USP13: variants seen among roughly 807,000 people sequenced by gnomAD.
USP13 encodes the protein ubiquitin carboxyl-terminal hydrolase 13.
A neutral mutation model predicts 107.8 loss-of-function variants in USP13; 68 were observed. That is an observed-to-expected ratio of 0.63 (90% CI 0.52 to 0.77). The LOEUF is 0.77. Among genes scored for constraint, USP13 ranks in the 30% least tolerant of loss-of-function variants. USP13 has a pLI of 0.00. For synonymous variants in USP13, 377 were observed against 389.5 expected, an observed-to-expected ratio of 0.97 and a Z score of 0.38; for missense variants, 945 against 1,093.3, an observed-to-expected ratio of 0.86 and a Z score of 1.91.
At chr3:179,750,877 A>G (rs185631169) in intron 13 of USP13, among the ~76,000 whole-genome samples, 13 of 152,282 alleles carry the variant, frequency 8.5e-5, no homozygotes, top group Admixed American at 1.3e-4. Context: ...CAAGACCCAC[A>G]TCCACATCGT....
chr3:179,766,910 A>C (rs1715194382), intron 19 of USP13, among the ~76,000 whole-genome samples: 1 of 152,150 alleles, frequency 6.6e-6, no homozygotes, highest in Admixed American at 6.5e-5. Context: ...GATCCAGGCC[A>C]CCTGGTCTCC....
chr3:179,728,853 G>C (rs1179303668), intron 8 of USP13, among the ~76,000 whole-genome samples: 1 of 152,008 alleles, frequency 6.6e-6, no homozygotes, highest in Non-Finnish European at 1.5e-5. Flanking sequence ...GTGGCGGCGC[G>C]CGCCTACAAT....
At chr3:179,735,082 A>G (rs1041299845) in intron 10 of USP13, among the ~76,000 whole-genome samples, 36 of 152,220 alleles carry the variant, frequency 2.4e-4, no homozygotes, top group African/African-American at 8.0e-4. Flanking sequence ...TAAGTACAGT[A>G]TCTTATTAAT....
At chr3:179,687,791 A>G (rs181239648) in intron 2 of USP13, among the ~76,000 whole-genome samples, 15 of 151,766 alleles carry the variant, frequency 9.9e-5, no homozygotes, top group African/African-American at 3.1e-4. Context: ...CCAAATGCAC[A>G]TATCTATGGC....
At position 179,706,852 on chromosome 3, in the gene USP13, AT is replaced by A. The variant is rs764388207; in HGVS notation, c.478-80del. ...GCGTTTCTTCAGTTTTTAAATTCAT[AT>A]TCTAGTGAATTTGCTATTCACTAGC... On this transcript the variant is annotated intron_variant, in intron 4 of 20. Transcript: ENST00000263966. 1.7e-5 allele frequency: 25 copies of A among 1,445,248 alleles called. No homozygotes were observed. In the Middle Eastern group the frequency reaches 5.4e-4, roughly 31 times the overall value. 89.5% of individuals were successfully genotyped at this position (1,445,248 alleles called of 1,614,324 possible). A position where few individuals can be genotyped will look rare whatever the true frequency, so the allele number is the denominator to read the frequency against.
chr3:179,739,073 T>G (rs912157668), intron 10 of USP13, among the ~76,000 whole-genome samples: 3 of 152,208 alleles, frequency 2.0e-5, no homozygotes, highest in Admixed American at 6.5e-5. Context: ...TCCCCGCAAC[T>G]GTTATACCAC....
intron 19 of USP13, among the ~76,000 whole-genome samples, chr3:179,769,556 C>CA (rs560545503): frequency 6.0e-4 from 92 of 152,244 alleles, no homozygotes; most frequent in African/African-American, 2.0e-3. Context: ...TACAGGCATG[C>CA]ACCATCATAC....
chr3:179,782,714 T>G (rs967182913), intron 20 of USP13, among the ~76,000 whole-genome samples: 4 of 152,194 alleles, frequency 2.6e-5, no homozygotes, highest in Admixed American at 2.0e-4. Context: ...TAGTTTTGTC[T>G]TCTTAACTTG....
At chr3:179,683,308 T>C (rs12487170) in intron 2 of USP13, among the ~76,000 whole-genome samples, 26,509 of 152,088 alleles carry the variant, frequency 0.17, 2,419 homozygotes, top group East Asian at 0.24. Flanking sequence ...GTTAGATTTA[T>C]TAAACTTTTT....
At chr3:179,675,536 T>TTTTTTATTATTA (rs1553787954) in intron 1 of USP13, among the ~76,000 whole-genome samples, 1 of 146,358 alleles carries the variant, frequency 6.8e-6, no homozygotes, top group African/African-American at 2.5e-5. Context: ...TGTAACCTAT[T>TTTTTTATTATTA]TTATTATTAT....
At chr3:179,690,149 G>T (rs1712062268) in intron 2 of USP13, 92 bp from the exon 3 acceptor site, 6 of 1,241,638 alleles carry the variant, frequency 4.8e-6, no homozygotes, top group Middle Eastern at 1.9e-4. Context: ...TTGGCCTTCT[G>T]TAAAAACTAG....
chr3:179,755,988 C>T (rs542544227), intron 15 of USP13, among the ~76,000 whole-genome samples: 4 of 152,244 alleles, frequency 2.6e-5, no homozygotes, highest in African/African-American at 9.6e-5. Context: ...TTCTAGGTCA[C>T]GTAGTACAGG....
intron 1 of USP13, among the ~76,000 whole-genome samples, chr3:179,662,334 A>C (rs1414070290): frequency 6.6e-6 from 1 of 151,774 alleles, no homozygotes; most frequent in Admixed American, 6.6e-5. Context: ...TACATAGAAA[A>C]CCTTTCTCTT....
chr3:179,717,474 TA>T (rs1345894757), intron 6 of USP13, among the ~76,000 whole-genome samples: 2 of 152,246 alleles, frequency 1.3e-5, no homozygotes, highest in African/African-American at 4.8e-5. Flanking sequence ...GGCAAGAGCC[TA>T]ATGGGTTACG....
chr3:179,725,715 G>A (rs1713489841), intron 8 of USP13, among the ~76,000 whole-genome samples: 1 of 152,194 alleles, frequency 6.6e-6, no homozygotes, highest in Non-Finnish European at 1.5e-5. Context: ...TGTATTCATT[G>A]AACAAATATT....
chr3:179,701,364 T>C (rs899599522), intron 4 of USP13, among the ~76,000 whole-genome samples: 2 of 152,198 alleles, frequency 1.3e-5, no homozygotes, highest in African/African-American at 2.4e-5. Flanking sequence ...TCAAGTGCTG[T>C]TAGGGCTTTG....
intron 1 of USP13, among the ~76,000 whole-genome samples, chr3:179,675,240 A>C (rs1434668179): frequency 6.6e-6 from 1 of 151,440 alleles, no homozygotes; most frequent in African/African-American, 2.4e-5. Flanking sequence ...AGTGGGCTGA[A>C]TATATGAGTC....
chr3:179,777,445 T>C (rs12494341), intron 19 of USP13, among the ~76,000 whole-genome samples: 67 of 10,330 alleles, frequency 6.5e-3, no homozygotes, highest in Middle Eastern at 0.038. Flanking sequence ...CTCTCTCTCT[T>C]TTTTTTTTTT....
At chr3:179,711,362 C>T (rs552159487) in intron 6 of USP13, among the ~76,000 whole-genome samples, 25 of 151,998 alleles carry the variant, frequency 1.6e-4, no homozygotes, top group Middle Eastern at 3.4e-3. Context: ...GGGAGGTGCC[C>T]CAACCACGCC....
Sources: allele counts gnomAD v4.1 joint callset (sites outside exome capture counted in the v4.1 genomes callset), GRCh38; gene constraint gnomAD v4.1.1; transcripts MANE v1.5; gene names NCBI Gene and HGNC (gene_info 2026-07-23, HGNC 2026-07-21).